SYTL2: variants seen among roughly 807,000 people sequenced by gnomAD.
SYTL2 encodes the protein synaptotagmin like 2.
A neutral mutation model predicts 198.7 loss-of-function variants in SYTL2; 165 were observed. The observed-to-expected ratio is 0.83, with a 90% confidence interval of 0.73 to 0.94. The LOEUF is 0.94. SYTL2 is among the 40% of genes least tolerant of loss of function. The pLI, the probability that SYTL2 is intolerant of heterozygous loss-of-function variation, is 0.00. For missense variants in SYTL2, 2,835 were observed against 2,582.8 expected, an observed-to-expected ratio of 1.10 and a Z score of -2.12; for synonymous variants, 966 against 917.7, an observed-to-expected ratio of 1.05 and a Z score of -0.95.
chr11:85,757,547 GA>G, intron 2 of SYTL2, 77 bp downstream of exon 2: 4 of 1,518,034 alleles, frequency 2.6e-6, no homozygotes, highest in Admixed American at 1.8e-5. Context: ...ACTTATAGTT[GA>G]AAAAAACCCC....
chr11:85,775,446 G>A (rs1326383958), intron 1 of SYTL2, among the ~76,000 whole-genome samples: 2 of 152,114 alleles, frequency 1.3e-5, no homozygotes, highest in African/African-American at 2.4e-5. Flanking sequence ...GAGGTAGGTA[G>A]AGCGGATAGG....
intron 14 of SYTL2, chr11:85,708,190 C>T: frequency 2.3e-6 from 1 of 426,900 alleles, no homozygotes; most frequent in Non-Finnish European, 4.6e-6. Context: ...ACACTTTCAG[C>T]ATAGAGCTTA....
intron 9 of SYTL2, 65 bp from the exon 10 acceptor site, chr11:85,718,908 T>C: frequency 3.1e-6 from 5 of 1,591,370 alleles, no homozygotes; most frequent in South Asian, 2.3e-5. Flanking sequence ...AACAATGAGA[T>C]TGTCCCTGGA....
In SYTL2 at chr11:85,725,822, T is replaced by A; in HGVS notation, c.3536A>T (p.Asp1179Val). The A allele has an allele frequency of 6.2e-7, 1 of 1,614,088 alleles. No individual in the cohort carries two copies. The highest frequency in any genetic ancestry group is 8.5e-7 in the Non-Finnish European group (1 of 1,179,970). ...AGGTCCTTTGACTTCTTCCTCAGTATCAGCAAAATCTGTTTTTTGAGGCCA... is the reference window on the plus strand; with the variant it reads ...AGGTCCTTTGACTTCTTCCTCAGTAACAGCAAAATCTGTTTTTTGAGGCCA... ...RTWPQKTDFA[D>V]TEEEVKGPEK... is the part of the protein sequence containing the mutation. Residue 1179 changes from aspartate (D) to valine (V), a missense_variant, in exon 8 of 20, where the codon GAT becomes GTT. Around this residue, in one of 3 missense-constraint regions of SYTL2, gnomAD observed 2,645 missense variants for 2,381.7 expected, o/e 1.11. Coordinates refer to ENST00000359152, the MANE Select transcript of SYTL2 (RefSeq NM_206927.4).
rs2091959316 is a variant in SYTL2, at chr11:85,757,924, A to T, written c.-199T>A. On this transcript the variant is annotated 5_prime_UTR_variant, in exon 2 of 20. Coordinates refer to ENST00000359152, the MANE Select transcript of SYTL2 (RefSeq NM_206927.4). ...ATCCTAAGTGCTCTTTCCCATGAGGAAGTCCTGGTCTGTGGGATAGTGTCG... is the reference window on the plus strand; with the variant it reads ...ATCCTAAGTGCTCTTTCCCATGAGGTAGTCCTGGTCTGTGGGATAGTGTCG... 1.6e-6 allele frequency: 1 copy of T among 638,262 alleles called. No individual in the cohort carries two copies. The highest frequency in any genetic ancestry group is 2.6e-6 in the Non-Finnish European group (1 of 378,482). 39.5% of individuals were successfully genotyped at this position (638,262 alleles called of 1,614,324 possible). A position where few individuals can be genotyped will look rare whatever the true frequency, so the allele number is the denominator to read the frequency against.
chr11:85,740,033 C>G (rs776516474), intron 4 of SYTL2, among the ~76,000 whole-genome samples: 2 of 152,144 alleles, frequency 1.3e-5, no homozygotes, highest in Non-Finnish European at 2.9e-5. Context: ...TCTCCTAAAC[C>G]ATTCTACGTT....
At position 85,762,236 on chromosome 11, in the gene SYTL2, A is replaced by T. The variant is rs372863399; in HGVS notation, c.-389-4122T>A. On this transcript the variant is annotated intron_variant, in intron 1 of 19. Transcript: ENST00000359152. ...TCAGAACGGGGGCAACCTCAGTGCT[A>T]AACTGTGAGGGAAGAATTTTGGCTA... is the stretch of plus-strand genomic sequence containing the variant. 4.6e-5 allele frequency among the ~76,000 whole-genome samples: 7 copies of T among 152,328 alleles called. No homozygotes were observed. In the South Asian group the frequency reaches 1.5e-3, roughly 32 times the overall value.
chr11:85,788,171 T>C (rs772210018), intron 1 of SYTL2, among the ~76,000 whole-genome samples: 3 of 152,218 alleles, frequency 2.0e-5, no homozygotes, highest in Non-Finnish European at 4.4e-5. Context: ...GTCAACTGCA[T>C]TTTGAACCCT....
At chr11:85,769,995 G>A (rs766265900) in intron 1 of SYTL2, among the ~76,000 whole-genome samples, 1 of 152,124 alleles carries the variant, frequency 6.6e-6, no homozygotes, top group African/African-American at 2.4e-5. Flanking sequence ...CATTTCACAG[G>A]ACAGCTGGGG....
At position 85,798,512 on chromosome 11, in the gene SYTL2, G is replaced by A. The variant is rs553507506; in HGVS notation, c.-390+12442C>T. ...TCACATATGTGGCATTTCATGGTGC[G>A]TTGAAGGGATCTCCAAGTCCAGTCC... On this transcript the variant is annotated intron_variant, in intron 1 of 19. Transcript: ENST00000359152. Among the ~76,000 whole-genome samples the A allele has an allele frequency of 2.6e-4, 40 of 152,286 alleles. 1 individual carries two copies. The South Asian group carries it at 5.6e-3, about 21-fold the overall frequency.
intron 1 of SYTL2, among the ~76,000 whole-genome samples, chr11:85,784,194 T>C (rs1048696702): frequency 2.6e-5 from 4 of 152,174 alleles, no homozygotes; most frequent in Non-Finnish European, 4.4e-5. Context: ...AAAAGCAGCA[T>C]TTCCCCCAGG....
intron 1 of SYTL2, among the ~76,000 whole-genome samples, chr11:85,805,920 A>G (rs778126476): frequency 6.6e-6 from 1 of 152,226 alleles, no homozygotes; most frequent in Non-Finnish European, 1.5e-5. Context: ...TTTAGAAAGT[A>G]TAAGATTAGG....
intron 1 of SYTL2, among the ~76,000 whole-genome samples, chr11:85,798,884 T>C (rs956426338): frequency 1.3e-5 from 2 of 152,322 alleles, no homozygotes; most frequent in African/African-American, 4.8e-5. Context: ...GCATAAACCA[T>C]ATTGCTTGCA....
At chr11:85,797,850 G>A (rs1286725182) in intron 1 of SYTL2, among the ~76,000 whole-genome samples, 1 of 151,490 alleles carries the variant, frequency 6.6e-6, no homozygotes, top group African/African-American at 2.4e-5. Context: ...TGTTGTTGTT[G>A]TTGTTGTTGT....
At position 85,726,357 on chromosome 11, in the gene SYTL2, C is replaced by T; in HGVS notation, c.3001G>A (p.Asp1001Asn). 1 of 1,613,960 alleles carries T rather than the reference C, an allele frequency of 6.2e-7. No individual in the cohort carries two copies. Residue 1001 changes from aspartate (D) to asparagine (N), a missense_variant, in exon 8 of 20, where the codon GAC (aspartate) becomes AAC (asparagine). Physicochemically the swap from Asp to Asn is conservative, Grantham distance 23. Coordinates refer to ENST00000359152, the MANE Select transcript of SYTL2 (RefSeq NM_206927.4). Reference protein sequence around the residue: ...LEANSNSKDNDKNITTTSQKN... With the variant: ...LEANSNSKDNNKNITTTSQKN... ...TGGCTTGTGGTGGTAATATTCTTGT[C>T]ATTATCCTTACTGTTTGAATTAGCT...
chr11:85,710,448 A>G (rs951828035), intron 13 of SYTL2, among the ~76,000 whole-genome samples: 6 of 152,240 alleles, frequency 3.9e-5, no homozygotes, highest in Non-Finnish European at 8.8e-5. Context: ...TCATTTCTTC[A>G]GCATACTTGG....
intron 16 of SYTL2, among the ~76,000 whole-genome samples, chr11:85,701,192 C>T (rs991749551): frequency 6.6e-6 from 1 of 152,092 alleles, no homozygotes; most frequent in Non-Finnish European, 1.5e-5. Flanking sequence ...TTTCAGATTT[C>T]GGATTTGTTT....
chr11:85,727,896 C>T lies in SYTL2; in HGVS notation c.1462G>A (p.Gly488Ser), dbSNP rs537815950. ...PGGSSRDRQQ[G>S]KPPPLPALKA... is the part of the protein sequence containing the mutation. ...AGAGCCGGGAGAGGAGGGGGCTTACCTTGCTGACGGTCTCTAGAACTGCCA... is the reference window on the plus strand; with the variant it reads ...AGAGCCGGGAGAGGAGGGGGCTTACTTTGCTGACGGTCTCTAGAACTGCCA... The change falls in exon 8 of 20, where the codon GGT (glycine) becomes AGT (serine). Residue 488 changes from glycine to serine, a missense_variant. By Grantham distance (56) the Gly-to-Ser change is moderately conservative (BLOSUM62 0). Coordinates refer to ENST00000359152, the MANE Select transcript of SYTL2 (RefSeq NM_206927.4). The T allele has an allele frequency of 5.6e-6, 9 of 1,613,834 alleles. No individual in the cohort carries two copies. In the South Asian group the frequency reaches 6.6e-5, roughly 12 times the overall value.
chr11:85,712,041 G>T (rs912881455), intron 12 of SYTL2, among the ~76,000 whole-genome samples: 1 of 152,176 alleles, frequency 6.6e-6, no homozygotes, highest in Admixed American at 6.5e-5. Flanking sequence ...ATGATTCAGA[G>T]TGAGCTCCTT....
Sources: allele counts gnomAD v4.1 joint callset (sites outside exome capture counted in the v4.1 genomes callset), GRCh38; gene constraint gnomAD v4.1.1; regional missense constraint gnomAD v4.1.1; transcripts MANE v1.5; gene names NCBI Gene and HGNC (gene_info 2026-07-23, HGNC 2026-07-21).